Variants in GRM7 observed in about 807,000 individuals in gnomAD.
The protein encoded by GRM7 is metabotropic glutamate receptor 7.
Under a neutral mutation model 84.5 loss-of-function variants are expected in GRM7, and 35 were observed. The ratio of observed to expected loss-of-function variants is 0.41; its 90% CI spans 0.32 to 0.55. The LOEUF is 0.55. Ranked by LOEUF, GRM7 falls within the 20% of genes least tolerant of loss-of-function variation. The probability of loss-of-function intolerance (pLI) is 0.19; values close to 1 mark genes in which losing one functional copy is unlikely to be tolerated. For missense variants in GRM7, 1,003 were observed against 1,194.6 expected (o/e 0.84, Z 2.36); for synonymous variants, 487 against 455.1 (o/e 1.07, Z -0.89).
chr3:7,703,440 A>G (rs1239214565), intron 9 of GRM7, among the ~76,000 whole-genome samples: 1 of 105,890 alleles, frequency 9.4e-6, no homozygotes, highest in African/African-American at 4.5e-5. Context: ...TCACATTAAG[A>G]CTTTTTTTTT....
chr3:7,610,846 A>G (rs1241250983), intron 8 of GRM7, among the ~76,000 whole-genome samples: 1 of 152,224 alleles, frequency 6.6e-6, no homozygotes, highest in East Asian at 1.9e-4. Context: ...GAAAAACTAC[A>G]ACCAACAGGA....
At chr3:7,263,527 C>T (rs957350976) in intron 2 of GRM7, among the ~76,000 whole-genome samples, 19 of 152,082 alleles carry the variant, frequency 1.2e-4, no homozygotes, top group East Asian at 5.8e-4. Context: ...GGTGGCAACA[C>T]GGGTCAGGGG....
chr3:7,196,921 C>G (rs748677853), intron 2 of GRM7, among the ~76,000 whole-genome samples: 2 of 152,096 alleles, frequency 1.3e-5, no homozygotes, highest in Non-Finnish European at 2.9e-5. Context: ...AACAAATAAA[C>G]AAATGAAGCT....
intron 2 of GRM7, among the ~76,000 whole-genome samples, chr3:7,221,802 GTA>G (rs549209685): frequency 1.7e-5 from 2 of 120,280 alleles, no homozygotes; most frequent in African/African-American, 6.5e-5. Context: ...TTAATTTCTT[GTA>G]TTTTTTTTTT....
chr3:7,275,422 G>T (rs976537573), intron 2 of GRM7, among the ~76,000 whole-genome samples: 1 of 152,236 alleles, frequency 6.6e-6, no homozygotes, highest in Non-Finnish European at 1.5e-5. Context: ...ATGTTGGTAA[G>T]GTGTGAGGGG....
intron 8 of GRM7, among the ~76,000 whole-genome samples, chr3:7,668,667 C>T (rs1699802669): frequency 6.6e-6 from 1 of 152,192 alleles, no homozygotes; most frequent in African/African-American, 2.4e-5. Flanking sequence ...GAAGAAAGCA[C>T]AGGCAAAGGC....
intron 2 of GRM7, among the ~76,000 whole-genome samples, chr3:7,291,249 A>G (rs1231261430): frequency 6.6e-6 from 1 of 152,034 alleles, no homozygotes; most frequent in Non-Finnish European, 1.5e-5. Flanking sequence ...GAGAAAACTG[A>G]CTGCCGCGAG....
At chr3:6,949,392 C>A (rs1224728009) in intron 1 of GRM7, among the ~76,000 whole-genome samples, 1 of 152,188 alleles carries the variant, frequency 6.6e-6, no homozygotes, top group African/African-American at 2.4e-5. Context: ...CCCCCACTCT[C>A]TTCTGGCTTG....
intron 8 of GRM7, among the ~76,000 whole-genome samples, chr3:7,671,477 G>A (rs1284215470): frequency 6.6e-6 from 1 of 151,986 alleles, no homozygotes; most frequent in South Asian, 2.1e-4. Context: ...CATTCACCTG[G>A]AGCGCTCGCC....
chr3:7,426,595 T>C (rs1471791322), intron 5 of GRM7, among the ~76,000 whole-genome samples: 1 of 152,164 alleles, frequency 6.6e-6, no homozygotes, highest in African/African-American at 2.4e-5. Flanking sequence ...GGCAGGTTCT[T>C]TACTGTCTGC....
At chr3:6,988,246 T>G (rs1490015083) in intron 1 of GRM7, among the ~76,000 whole-genome samples, 2 of 147,658 alleles carry the variant, frequency 1.4e-5, no homozygotes, top group African/African-American at 2.5e-5. Context: ...CCTGACCTCA[T>G]GATCTGCCTG....
intron 2 of GRM7, among the ~76,000 whole-genome samples, chr3:7,223,753 G>C (rs1462670720): frequency 6.6e-6 from 1 of 152,090 alleles, no homozygotes; most frequent in Non-Finnish European, 1.5e-5. Context: ...TCTTAATCTG[G>C]AGAGCCGAAT....
intron 9 of GRM7, among the ~76,000 whole-genome samples, chr3:7,683,264 G>T (rs578062271): frequency 1.3e-5 from 2 of 152,116 alleles, no homozygotes; most frequent in African/African-American, 2.4e-5. Context: ...GGCCTCATTT[G>T]ATTAATTTAA....
At chr3:7,204,584 A>T (rs1366324917) in intron 2 of GRM7, among the ~76,000 whole-genome samples, 1 of 152,218 alleles carries the variant, frequency 6.6e-6, no homozygotes, top group African/African-American at 2.4e-5. Context: ...GTGGGGAAGG[A>T]TGCATACATA....
At chr3:6,906,065 G>A (rs558614839) in intron 1 of GRM7, among the ~76,000 whole-genome samples, 2 of 152,266 alleles carry the variant, frequency 1.3e-5, no homozygotes, top group East Asian at 1.9e-4. Flanking sequence ...GGGTTCAACT[G>A]GGAACATTTT....
chr3:7,456,128 T>C (rs968259894), intron 6 of GRM7, among the ~76,000 whole-genome samples: 2 of 151,922 alleles, frequency 1.3e-5, no homozygotes, highest in African/African-American at 4.8e-5. Flanking sequence ...TTTTCAAGCA[T>C]CATATTTCAT....
rs569659381 is a variant in GRM7 at position 7,035,708 on chromosome 3, T to G, written c.520-110744T>G. 9.2e-5 allele frequency among the ~76,000 whole-genome samples: 14 copies of G among 152,006 alleles called. No individual in the cohort carries two copies. The South Asian group carries it at 2.5e-3, about 27-fold the overall frequency. On this transcript the variant is annotated intron_variant, in intron 1 of 9. Coordinates refer to ENST00000357716, the MANE Select transcript of GRM7 (RefSeq NM_000844.4). ...TCTCAGCCCCCATGTCTTAGAAATA[T>G]TCATGGGCATGTTTAGCCCAGCTAA...
intron 2 of GRM7, among the ~76,000 whole-genome samples, chr3:7,237,458 T>C (rs1258395524): frequency 6.6e-6 from 1 of 152,042 alleles, no homozygotes; most frequent in Non-Finnish European, 1.5e-5. Context: ...TGGTGGGTTC[T>C]TGGGCTCGCT....
chr3:7,324,552 G>A (rs958513007), intron 4 of GRM7, among the ~76,000 whole-genome samples: 5 of 152,086 alleles, frequency 3.3e-5, no homozygotes, highest in African/African-American at 1.2e-4. Flanking sequence ...AGTAAAAGGT[G>A]TACCTACGGG....
Sources: gnomAD v4.1 joint callset for allele counts (sites outside exome capture counted in the v4.1 genomes callset) on GRCh38, gnomAD v4.1.1 for gene constraint, MANE v1.5 for transcripts, NCBI Gene and HGNC (gene_info 2026-07-23, HGNC 2026-07-21) for gene names.